Variants in NCOA2 observed in about 807,000 individuals in gnomAD.
NCOA2 encodes nuclear receptor coactivator 2, also known as class E basic helix-loop-helix protein 75.
In NCOA2, 21 loss-of-function variants were observed where a neutral mutation model predicts 145.1. That is an observed-to-expected ratio of 0.14 (90% CI 0.10 to 0.21). The LOEUF (loss-of-function observed/expected upper bound fraction) is 0.21, where lower values mean the gene tolerates loss of function less well. Among genes scored for constraint, NCOA2 ranks in the 10% least tolerant of loss-of-function variants. NCOA2 has a pLI of 1.00. For missense variants in NCOA2, 1,472 were observed against 1,837.6 expected, an observed-to-expected ratio of 0.80 and a Z score of 3.64; for synonymous variants, 619 against 637.5, an observed-to-expected ratio of 0.97 and a Z score of 0.44.
intron 1 of NCOA2, among the ~76,000 whole-genome samples, chr8:70,337,768 A>T (rs1807747585): frequency 6.6e-6 from 1 of 152,206 alleles, no homozygotes; most frequent in African/African-American, 2.4e-5. Flanking sequence ...GCGCAATCAA[A>T]TTAGAACTCA....
intron 2 of NCOA2, among the ~76,000 whole-genome samples, chr8:70,249,173 C>G (rs1282345876): frequency 6.6e-6 from 1 of 152,016 alleles, no homozygotes; most frequent in East Asian, 1.9e-4. Context: ...TTAGTGTACC[C>G]GATGGGGCAG....
chr8:70,194,142 TACA>T (rs1816999759), intron 4 of NCOA2, among the ~76,000 whole-genome samples: 1 of 152,216 alleles, frequency 6.6e-6, no homozygotes, highest in Non-Finnish European at 1.5e-5. Context: ...TTTCCTTTTG[TACA>T]AAACAACAGA....
chr8:70,454,521 G>A, the NCOA2 span, among the ~76,000 whole-genome samples: 1 of 152,192 alleles, frequency 6.6e-6, no homozygotes, highest in Non-Finnish European at 1.5e-5. Context: ...GGTAGTACAA[G>A]TAGACCATCA....
chr8:70,271,967 TAA>T lies in NCOA2; in HGVS notation c.-20+24775_-20+24776del, dbSNP rs79057631. On this transcript the variant is annotated intron_variant, in intron 2 of 22. Coordinates refer to ENST00000452400, the MANE Select transcript of NCOA2 (RefSeq NM_006540.4). The stretch of plus-strand genomic sequence containing the variant: ...TGTACAGATATCCCAGTAAATTGAA[TAA>T]AGAGATTGAAAAATTGTAGGAATTC... 0.03 allele frequency among the ~76,000 whole-genome samples: 4,507 copies of T among 152,276 alleles called. 370 individuals are homozygous for T. In the East Asian group the frequency reaches 0.33, roughly 11 times the overall value.
chr8:70,292,505 C>G (rs921624241), intron 2 of NCOA2, among the ~76,000 whole-genome samples: 1 of 147,228 alleles, frequency 6.8e-6, no homozygotes, highest in Non-Finnish European at 1.5e-5. Flanking sequence ...GAGCTGTGAT[C>G]TTGCCACTGC....
At chr8:70,335,622 G>A (rs1481398666) in intron 1 of NCOA2, among the ~76,000 whole-genome samples, 1 of 152,036 alleles carries the variant, frequency 6.6e-6, no homozygotes, top group East Asian at 1.9e-4. Flanking sequence ...CCCTACTCCT[G>A]GCAACCACTC....
the NCOA2 span, among the ~76,000 whole-genome samples, chr8:70,450,570 A>ACTCTTTTTTTT: frequency 1.6e-5 from 1 of 61,136 alleles, no homozygotes; most frequent in Admixed American, 1.3e-4. Flanking sequence ...ACTTCTTTTT[A>ACTCTTTTTTTT]TTCTTTTTTT....
intron 1 of NCOA2, among the ~76,000 whole-genome samples, chr8:70,371,110 A>AC (rs1811175132): frequency 6.6e-6 from 1 of 152,056 alleles, no homozygotes; most frequent in East Asian, 1.9e-4. Context: ...ACACAGTGAA[A>AC]CCCCCGTCTC....
chr8:70,235,927 T>A (rs940458880), intron 2 of NCOA2, among the ~76,000 whole-genome samples: 19 of 152,212 alleles, frequency 1.2e-4, no homozygotes, highest in African/African-American at 3.4e-4. Context: ...TATAGTATCT[T>A]TGGTGGTATC....
intron 2 of NCOA2, among the ~76,000 whole-genome samples, chr8:70,234,583 C>T (rs1206673002): frequency 6.6e-6 from 1 of 151,942 alleles, no homozygotes; most frequent in African/African-American, 2.4e-5. Flanking sequence ...AGCAGTATAT[C>T]TCATTGTGGG....
intron 7 of NCOA2, among the ~76,000 whole-genome samples, chr8:70,165,247 A>C (rs1232081601): frequency 6.6e-6 from 1 of 152,236 alleles, no homozygotes; most frequent in Non-Finnish European, 1.5e-5. Flanking sequence ...TATTATCTCT[A>C]ACAGCTCTAA....
intron 22 of NCOA2, among the ~76,000 whole-genome samples, chr8:70,116,299 C>A (rs1807124351): frequency 6.6e-6 from 1 of 152,126 alleles, no homozygotes; most frequent in East Asian, 1.9e-4. Context: ...CGCCTGTAAT[C>A]CCAGCACTTC....
chr8:70,150,493 G>C (rs1359991666), intron 11 of NCOA2, among the ~76,000 whole-genome samples: 1 of 152,096 alleles, frequency 6.6e-6, no homozygotes, highest in African/African-American at 2.4e-5. Context: ...AGCCACAAGG[G>C]AACCAAAACC....
At chr8:70,324,996 TTTTAA>T (rs1319024946) in intron 1 of NCOA2, among the ~76,000 whole-genome samples, 1 of 152,252 alleles carries the variant, frequency 6.6e-6, no homozygotes, top group African/African-American at 2.4e-5. Context: ...AGCTAATATT[TTTTAA>T]TTTATTTCTT....
chr8:70,126,731 T>C (rs549746153), intron 19 of NCOA2, 82 bp downstream of exon 19: 7 of 1,154,814 alleles, frequency 6.1e-6, no homozygotes, highest in Middle Eastern at 2.7e-4. Context: ...CAAAGAGCTG[T>C]GAGAGAGGAG....
intron 2 of NCOA2, among the ~76,000 whole-genome samples, chr8:70,264,659 A>G (rs1824415240): frequency 6.6e-6 from 1 of 152,244 alleles, no homozygotes; most frequent in Non-Finnish European, 1.5e-5. Flanking sequence ...AGAAACTGTC[A>G]TATCTATGTA....
rs145173280 is a variant in NCOA2, at chr8:70,355,571, TTTTG to T, written c.-77+48125_-77+48128del. Among the ~76,000 whole-genome samples, 46 of 152,164 alleles carry T rather than the reference TTTTG, an allele frequency of 3.0e-4. No individual in the cohort carries two copies. In the East Asian group the frequency reaches 8.1e-3, roughly 27 times the overall value. On this transcript the variant is annotated intron_variant, in intron 1 of 22. Coordinates refer to ENST00000452400, the MANE Select transcript of NCOA2 (RefSeq NM_006540.4). ...ACTTTTTTCAAATGTCATGAGATTT[TTTTG>T]TTTTTTTCTTTTTTTTTTTCTCTCA...
chr8:70,128,296 G>A, intron 18 of NCOA2, 137 bp downstream of exon 18: 1 of 678,840 alleles, frequency 1.5e-6, no homozygotes, highest in Non-Finnish European at 2.5e-6. Context: ...CACACTAGTA[G>A]GTAACTAGAT....
At chr8:70,407,413 G>T (rs1814800764), upstream of NCOA2, among the ~76,000 whole-genome samples, 1 of 152,204 alleles carries the variant, frequency 6.6e-6, no homozygotes, top group Admixed American at 6.5e-5. Context: ...GTAAATTAAT[G>T]CAAAGTCATA....
Sources: allele counts gnomAD v4.1 joint callset (sites outside exome capture counted in the v4.1 genomes callset), GRCh38; gene constraint gnomAD v4.1.1; transcripts MANE v1.5; gene names NCBI Gene and HGNC (gene_info 2026-07-23, HGNC 2026-07-21).